DTWD1: variants seen among roughly 807,000 people sequenced by gnomAD.
DTWD1 encodes the protein DTW motif tRNA-uridine aminocarboxypropyltransferase 1, also known as tRNA-uridine aminocarboxypropyltransferase 1.
A neutral mutation model predicts 30.2 loss-of-function variants in DTWD1; 27 were observed. The ratio of observed to expected loss-of-function variants is 0.90; its 90% confidence interval spans 0.66 to 1.23. DTWD1 has a LOEUF of 1.23. Among genes scored for constraint, DTWD1 ranks in the 50% most tolerant of loss-of-function variants. The probability of loss-of-function intolerance (pLI) is 0.00; values close to 1 mark genes in which losing one functional copy is unlikely to be tolerated. For missense variants in DTWD1, 342 were observed against 348.8 expected, an observed-to-expected ratio of 0.98 and a Z score of 0.15; for synonymous variants, 99 against 113.1, an observed-to-expected ratio of 0.88 and a Z score of 0.79.
rs954116561 is a variant in DTWD1, at chr15:49,650,879, C to T, written c.*7301C>T. The T allele has an allele frequency of 1.3e-5, 2 of 152,180 alleles. No individual in the cohort carries two copies. The highest frequency in any genetic ancestry group is 1.3e-4 in the Admixed American group (2 of 15,268). 9.4% of individuals were successfully genotyped at this position (152,180 alleles called of 1,614,324 possible). Reference sequence around the variant, plus strand: ...CCCCAAACTCCATCTCAGCATTCCTCTTTAGAGGACTCGACCTGTGGTAAT... The same window carrying T: ...CCCCAAACTCCATCTCAGCATTCCTTTTTAGAGGACTCGACCTGTGGTAAT... On this transcript the variant is annotated 3_prime_UTR_variant, in exon 5 of 5. Transcript: ENST00000403028.
At chr15:49,627,471 C>T (rs959016621) in intron 2 of DTWD1, among the ~76,000 whole-genome samples, 1 of 152,264 alleles carries the variant, frequency 6.6e-6, no homozygotes, top group South Asian at 2.1e-4. Flanking sequence ...TCATATGTCT[C>T]CTAATGACAG....
At chr15:49,633,332 A>G (rs1435872054) in intron 3 of DTWD1, among the ~76,000 whole-genome samples, 1 of 152,070 alleles carries the variant, frequency 6.6e-6, no homozygotes, top group Non-Finnish European at 1.5e-5. Flanking sequence ...TTTGAAATGT[A>G]TAAAATTCAA....
chr15:49,631,473 T>G (rs1028823109), intron 2 of DTWD1, among the ~76,000 whole-genome samples: 2 of 152,128 alleles, frequency 1.3e-5, no homozygotes, highest in African/African-American at 2.4e-5. Context: ...CTTTTTAAAA[T>G]AGCGTAAGAG....
chr15:49,629,003 C>T (rs933445582), intron 2 of DTWD1, among the ~76,000 whole-genome samples: 7 of 152,190 alleles, frequency 4.6e-5, no homozygotes, highest in Middle Eastern at 3.4e-3. Context: ...CACCCCCAGA[C>T]GGGCTCCAGT....
At position 49,653,906 on chromosome 15, in the gene DTWD1, C is replaced by CA. The variant is rs1467895746; in HGVS notation, c.*10332dup. The CA allele has an allele frequency of 6.6e-6, 1 of 152,014 alleles. No homozygotes were observed. The highest frequency in any genetic ancestry group is 1.5e-5 in the Non-Finnish European group (1 of 68,008). The allele number at this position is 152,014 out of a possible 1,614,324, so 9.4% of individuals were successfully genotyped here. A position where few individuals can be genotyped will look rare whatever the true frequency, so the allele number is the denominator to read the frequency against. On this transcript the variant is annotated 3_prime_UTR_variant, in exon 5 of 5. Coordinates refer to ENST00000403028, the MANE Select transcript of DTWD1 (RefSeq NM_001144955.2). ...AGGAAAAATAGATGGAAGATGGAGC[C>CA]AAAATCCCAGAGGGAGGAGCCAAGA...
intron 2 of DTWD1, 120 bp downstream of exon 2, chr15:49,625,551 T>C (rs1249421169): frequency 9.0e-7 from 1 of 1,108,328 alleles, no homozygotes; most frequent in Non-Finnish European, 1.2e-6. Flanking sequence ...AAACAAGTGC[T>C]TGTTGCTGCA....
At position 49,645,285 on chromosome 15, in the gene DTWD1, T is replaced by C. The variant is rs1370509161; in HGVS notation, c.*1707T>C. 2 of 152,158 alleles carry C rather than the reference T, an allele frequency of 1.3e-5. No individual in the cohort carries two copies. The highest frequency in any genetic ancestry group is 4.8e-5 in the African/African-American group (2 of 41,452). The allele number at this position is 152,158 out of a possible 1,614,324, so 9.4% of individuals were successfully genotyped here. A position where few individuals can be genotyped will look rare whatever the true frequency, so the allele number is the denominator to read the frequency against. On this transcript the variant is annotated 3_prime_UTR_variant, in exon 5 of 5. Coordinates refer to ENST00000403028, the MANE Select transcript of DTWD1 (RefSeq NM_001144955.2). ...ATTAAAGAGGTAAGTAAATTATTGA[T>C]AGATCATACACCTAGTTAGTAGCAG...
chr15:49,639,607 ACTGATTGTTAG>A, intron 4 of DTWD1, among the ~76,000 whole-genome samples: 1 of 152,334 alleles, frequency 6.6e-6, no homozygotes, highest in East Asian at 1.9e-4. Context: ...TTATAAAGTT[ACTGATTGTTAG>A]AAATACTAGG....
chr15:49,623,104 C>T (rs76784111), intron 1 of DTWD1, among the ~76,000 whole-genome samples: 2,510 of 152,304 alleles, frequency 0.016, 31 homozygotes, highest in Middle Eastern at 0.037. Context: ...ATGACATCCA[C>T]AGGAACTACA....
At chr15:49,632,006 C>A in intron 2 of DTWD1, 153 bp from the exon 3 acceptor site, 2 of 797,958 alleles carry the variant, frequency 2.5e-6, no homozygotes, top group Non-Finnish European at 4.1e-6. Context: ...TTGTAACAAT[C>A]ACCATTCTTA....
chr15:49,632,655 T>C (rs2078938987), intron 3 of DTWD1, among the ~76,000 whole-genome samples: 1 of 152,210 alleles, frequency 6.6e-6, no homozygotes, highest in Admixed American at 6.5e-5. Context: ...GAAACCAGAT[T>C]ACAAATATTG....
In DTWD1 at chr15:49,648,005, A is replaced by C. The variant is rs2079131087; in HGVS notation, c.*4427A>C. ...ATTCCAAATACCTAAGGCCAATCTTAGTTAAAAGTTGTAAATGCAACCATA... is the reference window on the plus strand; with the variant it reads ...ATTCCAAATACCTAAGGCCAATCTTCGTTAAAAGTTGTAAATGCAACCATA... On this transcript the variant is annotated 3_prime_UTR_variant, in exon 5 of 5. Coordinates refer to ENST00000403028, the MANE Select transcript of DTWD1 (RefSeq NM_001144955.2). 6.6e-6 allele frequency: 1 copy of C among 152,152 alleles called. No homozygotes were observed. Among genetic ancestry groups the C allele is most frequent in the South Asian group, 2.1e-4 (1 of 4,832 alleles). The allele number at this position is 152,152 out of a possible 1,614,324, so 9.4% of individuals were successfully genotyped here.
rs539718499 is a variant in DTWD1, at chr15:49,644,971, G to A, written c.*1393G>A. The A allele has an allele frequency of 6.5e-4, 99 of 152,092 alleles. No homozygotes were observed. The highest frequency in any genetic ancestry group is 2.3e-3 in the African/African-American group (94 of 41,514). The allele number at this position is 152,092 out of a possible 1,614,324, so 9.4% of individuals were successfully genotyped here. A position where few individuals can be genotyped will look rare whatever the true frequency, so the allele number is the denominator to read the frequency against. On this transcript the variant is annotated 3_prime_UTR_variant, in exon 5 of 5. Transcript: ENST00000403028. ...ATTCACCTGTTTGGGTGAAATAATA[G>A]CACATTTCCTGAAGTATATACAGTG...
intron 4 of DTWD1, among the ~76,000 whole-genome samples, chr15:49,641,538 G>A (rs182429289): frequency 5.3e-5 from 8 of 152,050 alleles, no homozygotes; most frequent in Admixed American, 5.2e-4. Context: ...CATTTATCTG[G>A]ATTTGCATAG....
chr15:49,621,620 G>A (rs74705630), intron 1 of DTWD1, among the ~76,000 whole-genome samples: 1 of 152,018 alleles, frequency 6.6e-6, no homozygotes, highest in African/African-American at 2.4e-5. Flanking sequence ...TATTTATTGG[G>A]AATGTAGGAC....
At position 49,644,007 on chromosome 15, in the gene DTWD1, G is replaced by A; in HGVS notation, c.*429G>A. On this transcript the variant is annotated 3_prime_UTR_variant, in exon 5 of 5. Transcript: ENST00000403028. ...TCATAAGTGATTTTTCTTGAGGTTA[G>A]TAGCAAACATAGGCAGAACTAGAAT... 6.5e-6 allele frequency: 1 copy of A among 153,130 alleles called. No individual in the cohort carries two copies. The highest frequency in any genetic ancestry group is 1.5e-5 in the Non-Finnish European group (1 of 68,660). The allele number at this position is 153,130 out of a possible 1,614,324, so 9.5% of individuals were successfully genotyped here. A position where few individuals can be genotyped will look rare whatever the true frequency, so the allele number is the denominator to read the frequency against.
chr15:49,625,324 A>C lies in DTWD1; in HGVS notation c.157A>C (p.Ser53Arg). 1 of 1,613,732 alleles carries C rather than the reference A, an allele frequency of 6.2e-7. No homozygotes were observed. Among genetic ancestry groups the C allele is most frequent in the Non-Finnish European group, 8.5e-7 (1 of 1,179,824 alleles). Residue 53 changes from serine to arginine, a missense_variant, in exon 2 of 5, where the codon AGT (serine) becomes CGT (arginine). Ser to Arg is a moderately radical substitution (Grantham distance 110). Coordinates refer to ENST00000403028, the MANE Select transcript of DTWD1 (RefSeq NM_001144955.2). ...SQEVLQKAQQ[S>R]GRSKCLKCGG... Reference sequence around the variant, plus strand: ...AGAAGTTCTTCAAAAAGCTCAGCAAAGTGGGAGATCAAAATGTCTCAAATG... The same window carrying C: ...AGAAGTTCTTCAAAAAGCTCAGCAACGTGGGAGATCAAAATGTCTCAAATG...
intron 3 of DTWD1, 131 bp from the exon 4 acceptor site, chr15:49,634,405 T>C: frequency 2.0e-6 from 2 of 977,520 alleles, no homozygotes; most frequent in East Asian, 2.9e-5. Flanking sequence ...AAGAACCATA[T>C]ACAATAGAAC....
rs753632624 is a variant in DTWD1, at chr15:49,634,756, A to G, written c.629A>G (p.Asn210Ser). 53 of 1,594,034 alleles carry G rather than the reference A, an allele frequency of 3.3e-5. No homozygotes were observed. The highest frequency in any genetic ancestry group is 3.8e-5 in the Non-Finnish European group (45 of 1,172,618). The change falls in exon 4 of 5, where the codon AAC (asparagine) becomes AGC (serine). Residue 210 changes from asparagine to serine, a missense_variant. Transcript: ENST00000403028. ...ATTATATTTATAGATAGCACCTGGA[A>G]CCAAACAAACAAAATATTCACTGAT... ...KKIIFIDSTW[N>S]QTNKIFTDER...
Sources: allele counts gnomAD v4.1 joint callset (sites outside exome capture counted in the v4.1 genomes callset), GRCh38; gene constraint gnomAD v4.1.1; transcripts MANE v1.5; gene names NCBI Gene and HGNC (gene_info 2026-07-23, HGNC 2026-07-21).